ASIC1: variants seen among roughly 807,000 people sequenced by gnomAD.
ASIC1 encodes acid-sensing ion channel 1.
In ASIC1, 21 loss-of-function variants were observed where a neutral mutation model predicts 63.4. That is an observed-to-expected ratio of 0.33 (90% CI 0.23 to 0.48). ASIC1 has a LOEUF of 0.48. ASIC1 is among the 20% of genes least tolerant of loss of function. The pLI is 0.99. For synonymous variants in ASIC1, 258 were observed against 278.2 expected, an observed-to-expected ratio of 0.93 and a Z score of 0.72; for missense variants, 478 against 695.5, an observed-to-expected ratio of 0.69 and a Z score of 3.52.
Position 50,081,201 on chromosome 12 carries a change from G to A in ASIC1, c.1377+20G>A, listed in dbSNP as rs528511480. 22 of 1,608,348 alleles carry A rather than the reference G, an allele frequency of 1.4e-5. No homozygotes were observed. In the East Asian group the frequency reaches 2.0e-4, roughly 15 times the overall value. On this transcript the variant is annotated intron_variant, in intron 10 of 11. Transcript: ENST00000447966. ...TACGAGGTAAGCGGGGGCGAGGCCC[G>A]GCACGGGGCCACGTGGGGGCGGGGT...
Position 50,081,254 on chromosome 12 carries a change from T to A in ASIC1, c.1378-6T>A, listed in dbSNP as rs780233562. The A allele has an allele frequency of 1.2e-6, 2 of 1,606,418 alleles. No homozygotes were observed. The highest frequency in any genetic ancestry group is 1.7e-6 in the Non-Finnish European group (2 of 1,176,630). On this transcript the variant is annotated splice_region_variant and splice_polypyrimidine_tract_variant and intron_variant, in intron 10 of 11. Transcript: ENST00000447966. ...AGCCCGCCCACCTGCCCCGTCCCCG[T>A]CCTAGGTCATTAAGCACAAGCTGTG... is the stretch of plus-strand genomic sequence containing the variant.
Position 50,074,228 on chromosome 12 carries a change from C to A in ASIC1, c.559-2985C>A. On this transcript the variant is annotated intron_variant, in intron 3 of 11. Transcript: ENST00000447966. The surrounding 1 kb of genome is among the most constrained non-coding windows in gnomAD (Gnocchi z 4.2). The stretch of plus-strand genomic sequence containing the variant: ...TCCTACCAAGGGGGACCCTGCGGCC[C>A]TCACAACTTCTCAGTGGTGAGTGGA... The A allele has an allele frequency of 6.7e-7, 1 of 1,488,586 alleles. No homozygotes were observed. The highest frequency in any genetic ancestry group is 8.9e-7 in the Non-Finnish European group (1 of 1,121,386). 92.2% of individuals were successfully genotyped at this position (1,488,586 alleles called of 1,614,324 possible). A position where few individuals can be genotyped will look rare whatever the true frequency, so the allele number is the denominator to read the frequency against.
Position 50,081,879 on chromosome 12 carries a change from G to C in ASIC1, c.*230G>C, listed in dbSNP as rs765542244. 1.8e-6 allele frequency: 1 copy of C among 550,550 alleles called. No individual in the cohort carries two copies. Among genetic ancestry groups the C allele is most frequent in the Non-Finnish European group, 3.2e-6 (1 of 309,584 alleles). The allele number at this position is 550,550 out of a possible 1,614,324, so 34.1% of individuals were successfully genotyped here. A position where few individuals can be genotyped will look rare whatever the true frequency, so the allele number is the denominator to read the frequency against. On this transcript the variant is annotated 3_prime_UTR_variant, in exon 12 of 12. Transcript: ENST00000447966. ...TAAAAAAGAACTAAAAAGGGAGAAC[G>C]GGGCAAGGGACCTCAGGCTGCCCCT... is the stretch of plus-strand genomic sequence containing the variant.
At chr12:50,060,701 C>T (rs1470091085) in intron 3 of ASIC1, among the ~76,000 whole-genome samples, 1 of 152,170 alleles carries the variant, frequency 6.6e-6, no homozygotes, top group East Asian at 1.9e-4. Context: ...CTCAGGCCAG[C>T]ACCTCAGGGA....
intron 3 of ASIC1, among the ~76,000 whole-genome samples, chr12:50,066,017 T>A (rs1950542155): frequency 6.6e-6 from 1 of 152,140 alleles, no homozygotes; most frequent in Admixed American, 6.5e-5. Context: ...ATGTAGAGTG[T>A]GAAGTGGAAG....
intron 3 of ASIC1, chr12:50,073,851 G>T: frequency 6.5e-7 from 1 of 1,531,176 alleles, no homozygotes. Context: ...GGCCAAGGCA[G>T]GTGCTGTGGG....
intron 3 of ASIC1, among the ~76,000 whole-genome samples, chr12:50,072,642 G>A (rs1393516435): frequency 6.6e-6 from 1 of 152,140 alleles, no homozygotes; most frequent in East Asian, 1.9e-4. Context: ...AACTGTTCGG[G>A]GGGCGGGGGG....
At position 50,057,788 on chromosome 12, in the gene ASIC1, CG is replaced by C. The variant is rs1231888927; in HGVS notation, c.-143del. 3 of 149,430 alleles carry C rather than the reference CG, an allele frequency of 2.0e-5. No individual in the cohort carries two copies. The highest frequency in any genetic ancestry group is 2.0e-4 in the Admixed American group (3 of 15,016). The allele number at this position is 149,430 out of a possible 1,614,324, so 9.3% of individuals were successfully genotyped here. ...GGGGCGCTCCCTGCAGGGCTCTGCG[CG>C]GCGTGCCGCGGCGGCCGCGGGCTCC... On this transcript the variant is annotated 5_prime_UTR_variant, in exon 1 of 12. Coordinates refer to ENST00000447966, the MANE Select transcript of ASIC1 (RefSeq NM_001095.4). The surrounding 1 kb of genome is among the most constrained non-coding windows in gnomAD (Gnocchi z 4.7).
intron 3 of ASIC1, chr12:50,070,599 T>C (rs1410073053): frequency 6.6e-6 from 1 of 152,204 alleles, no homozygotes; most frequent in Non-Finnish European, 1.5e-5. Context: ...AGCTGGAAGC[T>C]CCCGCTGCCT....
Position 50,074,439 on chromosome 12 carries a change from C to G in ASIC1, c.559-2774C>G, listed in dbSNP as rs1950633081. Among the ~76,000 whole-genome samples the G allele has an allele frequency of 6.6e-6, 1 of 152,190 alleles. No individual in the cohort carries two copies. The highest frequency in any genetic ancestry group is 1.5e-5 in the Non-Finnish European group (1 of 68,038). On this transcript the variant is annotated intron_variant, in intron 3 of 11. Transcript: ENST00000447966. The surrounding 1 kb of genome is among the most constrained non-coding windows in gnomAD (Gnocchi z 4.2). Reference sequence around the variant, plus strand: ...TGGAGCTGGGCTGGTATTCCCAGGTCCACACCAGTGCTGCTTTTCCTGTTA... The same window carrying G: ...TGGAGCTGGGCTGGTATTCCCAGGTGCACACCAGTGCTGCTTTTCCTGTTA...
chr12:50,079,844 G>A, intron 7 of ASIC1, 58 bp from the exon 8 acceptor site: 2 of 1,542,572 alleles, frequency 1.3e-6, no homozygotes, highest in Non-Finnish European at 1.8e-6. Flanking sequence ...TGTGCATGTG[G>A]GAAGGTGCTG....
intron 4 of ASIC1, 132 bp downstream of exon 4, chr12:50,077,495 C>CT (rs1950668690): frequency 1.7e-5 from 22 of 1,281,836 alleles, no homozygotes; most frequent in Non-Finnish European, 2.2e-5. Flanking sequence ...CTCACCATCT[C>CT]TATCACTGAC....
At chr12:50,067,324 G>A (rs530053558) in intron 3 of ASIC1, among the ~76,000 whole-genome samples, 105 of 151,796 alleles carry the variant, frequency 6.9e-4, no homozygotes, top group African/African-American at 2.4e-3. Flanking sequence ...TCACCTTCAT[G>A]TTGCCGAATC....
At chr12:50,061,107 G>A (rs1487048761) in intron 3 of ASIC1, among the ~76,000 whole-genome samples, 2 of 152,116 alleles carry the variant, frequency 1.3e-5, no homozygotes, top group Non-Finnish European at 2.9e-5. Flanking sequence ...TCAAATTCTT[G>A]CCAGTCTTTT....
chr12:50,069,227 C>T (rs1427449288), intron 3 of ASIC1, among the ~76,000 whole-genome samples: 3 of 151,250 alleles, frequency 2.0e-5, no homozygotes, highest in Non-Finnish European at 3.0e-5. Context: ...CACACCATTA[C>T]CTAATTACTC....
At chr12:50,065,145 G>C (rs932910625) in intron 3 of ASIC1, among the ~76,000 whole-genome samples, 1 of 152,140 alleles carries the variant, frequency 6.6e-6, no homozygotes, top group African/African-American at 2.4e-5. Flanking sequence ...AATTCTCTCC[G>C]GCCATTCTTC....
At chr12:50,064,284 A>G (rs537543152) in intron 3 of ASIC1, among the ~76,000 whole-genome samples, 2 of 152,166 alleles carry the variant, frequency 1.3e-5, no homozygotes, top group Non-Finnish European at 1.5e-5. Context: ...GGGTGGAGAG[A>G]GGAGATGGGA....
intron 3 of ASIC1, among the ~76,000 whole-genome samples, chr12:50,061,294 A>C (rs627887): frequency 0.94 from 142,326 of 152,044 alleles, 66,881 homozygotes; most frequent in Non-Finnish European, 0.98. Flanking sequence ...ACCTCCCAAT[A>C]TCCTTAAGCC....
intron 3 of ASIC1, chr12:50,073,526 C>A: frequency 6.9e-7 from 1 of 1,456,660 alleles, no homozygotes; most frequent in Non-Finnish European, 9.0e-7. Context: ...TCGCCTTCCC[C>A]TCTGGCACCT....
Sources: gnomAD v4.1 joint callset for allele counts (sites outside exome capture counted in the v4.1 genomes callset) on GRCh38, gnomAD v4.1.1 for gene constraint, Gnocchi (gnomAD v3.1) non-coding constraint, MANE v1.5 for transcripts, NCBI Gene and HGNC (gene_info 2026-07-23, HGNC 2026-07-21) for gene names.